USP10: variants seen among roughly 807,000 people sequenced by gnomAD.
USP10 encodes the protein ubiquitin carboxyl-terminal hydrolase 10.
In USP10, 22 loss-of-function variants were observed where a neutral mutation model predicts 84.5. The observed-to-expected ratio is 0.26, with a 90% CI of 0.19 to 0.37. The LOEUF is 0.37. Among genes scored for constraint, USP10 ranks in the 10% least tolerant of loss-of-function variants. The probability of loss-of-function intolerance (pLI) is 1.00; values close to 1 mark genes in which losing one functional copy is unlikely to be tolerated. For synonymous variants in USP10, 454 were observed against 387.6 expected, an observed-to-expected ratio of 1.17 and a Z score of -2.01; for missense variants, 1,019 against 998.9, an observed-to-expected ratio of 1.02 and a Z score of -0.27.
At position 84,712,565 on chromosome 16, in the gene USP10, C is replaced by T. The variant is rs1466258746; in HGVS notation, c.21+12454C>T. On this transcript the variant is annotated intron_variant, in intron 1 of 13. Coordinates refer to ENST00000219473, the MANE Select transcript of USP10 (RefSeq NM_005153.3). ...CTGCTTATGGTTGTTTTTGGTGTTT[C>T]TATAATAGTTCTAGGCATGAAGTTC... Among the ~76,000 whole-genome samples the T allele has an allele frequency of 2.0e-5, 3 of 152,154 alleles. No individual in the cohort carries two copies. In the East Asian group the frequency reaches 5.8e-4, roughly 29 times the overall value.
chr16:84,732,695 A>G (rs1175594995), intron 1 of USP10: 1 of 300,106 alleles, frequency 3.3e-6, no homozygotes, highest in Non-Finnish European at 6.5e-6. Flanking sequence ...TGATTCGCCC[A>G]TGTCAGCCTC....
intron 1 of USP10, among the ~76,000 whole-genome samples, chr16:84,711,508 C>CT (rs2150762644): frequency 6.6e-6 from 1 of 152,318 alleles, no homozygotes; most frequent in East Asian, 1.9e-4. Flanking sequence ...TTCCTGCTCT[C>CT]TTTTGCTGTT....
chr16:84,762,341 G>A (rs1035521386), intron 8 of USP10, among the ~76,000 whole-genome samples: 4 of 152,126 alleles, frequency 2.6e-5, no homozygotes, highest in African/African-American at 7.2e-5. Context: ...CTAGTTCTTC[G>A]TCTTCTATTT....
rs771046313 is a variant in USP10, at chr16:84,775,143, G to C, written c.2144-17G>C. 1.2e-6 allele frequency: 2 copies of C among 1,612,820 alleles called. No homozygotes were observed. Among genetic ancestry groups the C allele is most frequent in the Non-Finnish European group, 1.7e-6 (2 of 1,179,040 alleles). On this transcript the variant is annotated splice_polypyrimidine_tract_variant and intron_variant, in intron 12 of 13. Transcript: ENST00000219473. Reference sequence around the variant, plus strand: ...CTTTCTAAAAGTGCTTCAAGCCATTGATATTTTGTTTTCCAGAACTGCTTT... The same window carrying C: ...CTTTCTAAAAGTGCTTCAAGCCATTCATATTTTGTTTTCCAGAACTGCTTT...
chr16:84,701,625 ATAGCTCAC>A (rs1904869873), intron 1 of USP10, among the ~76,000 whole-genome samples: 1 of 152,234 alleles, frequency 6.6e-6, no homozygotes, highest in African/African-American at 2.4e-5. Flanking sequence ...ATCTTTAGGC[ATAGCTCAC>A]TTCCTTTATT....
At chr16:84,705,689 T>C (rs1905392641) in intron 1 of USP10, among the ~76,000 whole-genome samples, 1 of 151,044 alleles carries the variant, frequency 6.6e-6, no homozygotes, top group Non-Finnish European at 1.5e-5. Flanking sequence ...GTATGTTGAG[T>C]ACAGACATAA....
rs1332926299 is a variant in USP10 at position 84,769,567 on chromosome 16, G to T, written c.1998+1209G>T. 1.7e-5 allele frequency among the ~76,000 whole-genome samples: 2 copies of T among 118,696 alleles called. 1 individual carries two copies. The highest frequency in any genetic ancestry group is 5.5e-4 in the South Asian group (2 of 3,606). 77.9% of individuals were successfully genotyped at this position (118,696 alleles called of 152,430 possible). Reference sequence around the variant, plus strand: ...TATTTGTGTTGGGGAGGTTGGTTGGGTGGTTCAGTTGTGCATTGTGGGTGA... The same window carrying T: ...TATTTGTGTTGGGGAGGTTGGTTGGTTGGTTCAGTTGTGCATTGTGGGTGA... On this transcript the variant is annotated intron_variant, in intron 11 of 13. Transcript: ENST00000219473.
chr16:84,706,038 G>GA (rs1367923913), intron 1 of USP10, among the ~76,000 whole-genome samples: 3 of 151,792 alleles, frequency 2.0e-5, no homozygotes, highest in African/African-American at 7.3e-5. Context: ...CTCATTCTTT[G>GA]AAAAAAACAA....
chr16:84,739,111 T>G (rs929275710), intron 2 of USP10, among the ~76,000 whole-genome samples: 1 of 150,596 alleles, frequency 6.6e-6, no homozygotes, highest in Non-Finnish European at 1.5e-5. Context: ...CAGGCTGGAG[T>G]GCAGTGGCAC....
At chr16:84,728,380 C>T (rs1436479616) in intron 1 of USP10, among the ~76,000 whole-genome samples, 1 of 151,378 alleles carries the variant, frequency 6.6e-6, no homozygotes, top group African/African-American at 2.4e-5. Context: ...CTCGCTGTTG[C>T]CCAGGCTGGA....
intron 12 of USP10, among the ~76,000 whole-genome samples, chr16:84,774,593 C>T (rs1914791648): frequency 6.6e-6 from 1 of 152,038 alleles, no homozygotes; most frequent in African/African-American, 2.4e-5. Flanking sequence ...GCCTCAGCCT[C>T]CCGAGTAGCT....
intron 13 of USP10, among the ~76,000 whole-genome samples, chr16:84,776,382 C>G (rs1263098168): frequency 6.6e-6 from 1 of 152,152 alleles, no homozygotes; most frequent in African/African-American, 2.4e-5. Context: ...GCTTCCCTCT[C>G]TTCCTCTCAC....
At chr16:84,744,128 T>C (rs1204183291) in intron 3 of USP10, among the ~76,000 whole-genome samples, 1 of 152,150 alleles carries the variant, frequency 6.6e-6, no homozygotes, top group Non-Finnish European at 1.5e-5. Flanking sequence ...TAATTTCTCC[T>C]ATCCAGTATG....
chr16:84,729,700 C>T (rs575655951), intron 1 of USP10, among the ~76,000 whole-genome samples: 1 of 152,284 alleles, frequency 6.6e-6, no homozygotes, highest in South Asian at 2.1e-4. Flanking sequence ...AGTGTAACTG[C>T]TCACTTTTAA....
chr16:84,745,485 C>G lies in USP10; in HGVS notation c.1004C>G (p.Pro335Arg). The change falls in exon 4 of 14, where the codon CCT (proline) becomes CGT (arginine). Residue 335 changes from proline to arginine, a missense_variant. By Grantham distance (103) the Pro-to-Arg change is moderately radical (BLOSUM62 -2). Transcript: ENST00000219473. Reference sequence around the variant, plus strand: ...ACGGGCTCTGCATCAGGCACCCTTCCTGTCAGCCAGCCCAAGTCCTGGGCC... The same window carrying G: ...ACGGGCTCTGCATCAGGCACCCTTCGTGTCAGCCAGCCCAAGTCCTGGGCC... ...DGTGSASGTL[P>R]VSQPKSWASL... The G allele has an allele frequency of 6.2e-7, 1 of 1,613,612 alleles. No homozygotes were observed. The highest frequency in any genetic ancestry group is 8.5e-7 in the Non-Finnish European group (1 of 1,179,664).
chr16:84,735,196 G>GATATGTGTGTGTGTGT (rs1555541026), intron 2 of USP10, among the ~76,000 whole-genome samples: 1 of 146,264 alleles, frequency 6.8e-6, no homozygotes, highest in African/African-American at 2.5e-5. Flanking sequence ...AGGCCCGGGT[G>GATATGTGTGTGTGTGT]GTGTGTGTGT....
At chr16:84,778,187 T>C (rs1224663425) in intron 13 of USP10, among the ~76,000 whole-genome samples, 1 of 151,380 alleles carries the variant, frequency 6.6e-6, no homozygotes, top group East Asian at 1.9e-4. Flanking sequence ...ACCAGCACCA[T>C]CTCCGCAGTG....
intron 10 of USP10, among the ~76,000 whole-genome samples, chr16:84,766,405 T>C (rs991464241): frequency 6.6e-6 from 1 of 152,256 alleles, no homozygotes; most frequent in Admixed American, 6.5e-5. Flanking sequence ...CTGTGGTTCC[T>C]TGGGACACGT....
At chr16:84,764,368 T>A in intron 10 of USP10, 105 bp downstream of exon 10, 2 of 1,462,634 alleles carry the variant, frequency 1.4e-6, no homozygotes, top group Non-Finnish European at 9.5e-7. Flanking sequence ...TTGGACGTAA[T>A]GGTTTGCATC....
Sources: gnomAD v4.1 joint callset for allele counts (sites outside exome capture counted in the v4.1 genomes callset) on GRCh38, gnomAD v4.1.1 for gene constraint, MANE v1.5 for transcripts, NCBI Gene and HGNC (gene_info 2026-07-23, HGNC 2026-07-21) for gene names.